FER1L6: variants seen among roughly 807,000 people sequenced by gnomAD.
FER1L6 encodes the protein fer-1 like family member 6, also known as fer-1-like protein 6.
In FER1L6, 177 loss-of-function variants were observed where a neutral mutation model predicts 219.2. The ratio of observed to expected loss-of-function variants is 0.81; its 90% CI spans 0.71 to 0.91. The LOEUF is 0.91. Among genes scored for constraint, FER1L6 ranks in the 40% least tolerant of loss-of-function variants. The pLI is 0.00. For synonymous variants in FER1L6, 768 were observed against 824.3 expected (o/e 0.93, Z 1.17); for missense variants, 2,153 against 2,259.9 (o/e 0.95, Z 0.96).
At chr8:123,881,800 C>T (rs1235919998) in intron 1 of FER1L6, among the ~76,000 whole-genome samples, 2 of 152,106 alleles carry the variant, frequency 1.3e-5, no homozygotes, top group African/African-American at 2.4e-5. Context: ...ATGTAGATTA[C>T]GGGTCCTGTT....
At chr8:123,935,283 C>T (rs1380038395) in intron 1 of FER1L6, among the ~76,000 whole-genome samples, 3 of 152,034 alleles carry the variant, frequency 2.0e-5, no homozygotes, top group Non-Finnish European at 4.4e-5. Flanking sequence ...AATCAAATTG[C>T]CTCATATTTT....
At chr8:123,936,474 T>TTG (rs1554617911) in intron 1 of FER1L6, among the ~76,000 whole-genome samples, 1 of 92,994 alleles carries the variant, frequency 1.1e-5, no homozygotes, top group African/African-American at 3.2e-5. Context: ...TTTTTTTTTT[T>TTG]TTTTTTTTTT....
intron 34 of FER1L6, among the ~76,000 whole-genome samples, chr8:124,094,202 G>T (rs922614459): frequency 6.6e-6 from 1 of 152,110 alleles, no homozygotes; most frequent in Non-Finnish European, 1.5e-5. Context: ...GGGCCACCCT[G>T]ATTTTCCAGG....
chr8:123,962,783 A>T (rs951017355), intron 2 of FER1L6, among the ~76,000 whole-genome samples: 2 of 152,108 alleles, frequency 1.3e-5, no homozygotes, highest in African/African-American at 4.8e-5. Context: ...GTCTGCCACC[A>T]TGCCCGGCTA....
At chr8:123,981,109 G>T (rs1339178245) in intron 11 of FER1L6, among the ~76,000 whole-genome samples, 1 of 152,122 alleles carries the variant, frequency 6.6e-6, no homozygotes, top group Non-Finnish European at 1.5e-5. Flanking sequence ...GGGTGGTACG[G>T]GATTGATTAA....
chr8:123,855,950 G>A (rs1011657407), intron 1 of FER1L6, among the ~76,000 whole-genome samples: 5 of 138,280 alleles, frequency 3.6e-5, no homozygotes, highest in African/African-American at 1.2e-4. Flanking sequence ...AACTAATGTA[G>A]TATATATATT....
chr8:123,907,644 G>T (rs1812977264), intron 1 of FER1L6, among the ~76,000 whole-genome samples: 1 of 149,550 alleles, frequency 6.7e-6, no homozygotes, highest in Admixed American at 6.6e-5. Context: ...AGTATGAGAA[G>T]AATATGGTTA....
At chr8:124,053,502 G>A (rs894417866) in intron 22 of FER1L6, among the ~76,000 whole-genome samples, 1 of 152,160 alleles carries the variant, frequency 6.6e-6, no homozygotes, top group Non-Finnish European at 1.5e-5. Context: ...TACATACTGA[G>A]AAGACAGGGG....
At chr8:123,990,217 G>A (rs536606119) in intron 12 of FER1L6, among the ~76,000 whole-genome samples, 105 of 152,270 alleles carry the variant, frequency 6.9e-4, no homozygotes, top group African/African-American at 2.4e-3. Flanking sequence ...GCAGTAAGCC[G>A]AGATAGCACC....
At chr8:123,868,980 A>T (rs1003179624) in intron 1 of FER1L6, among the ~76,000 whole-genome samples, 7 of 152,124 alleles carry the variant, frequency 4.6e-5, no homozygotes, top group Non-Finnish European at 8.8e-5. Context: ...GGTTAGTCTG[A>T]GTTATGCATC....
chr8:123,950,971 A>T (rs951543571), intron 1 of FER1L6, among the ~76,000 whole-genome samples: 4 of 152,242 alleles, frequency 2.6e-5, no homozygotes, highest in African/African-American at 9.6e-5. Context: ...GGCTAATTGT[A>T]GGGGTTGAGG....
intron 22 of FER1L6, chr8:124,059,082 A>G (rs1296487397): frequency 6.6e-6 from 1 of 152,224 alleles, no homozygotes; most frequent in African/African-American, 2.4e-5. Context: ...ACCGGTAAAC[A>G]TCTATCAAGA....
intron 1 of FER1L6, among the ~76,000 whole-genome samples, chr8:123,864,252 G>T (rs1371648564): frequency 6.7e-6 from 1 of 149,810 alleles, no homozygotes; most frequent in East Asian, 1.9e-4. Context: ...TAGTTTGGCT[G>T]GATATGAAAT....
intron 34 of FER1L6, among the ~76,000 whole-genome samples, chr8:124,092,912 G>A (rs968981250): frequency 6.6e-6 from 1 of 150,390 alleles, no homozygotes; most frequent in Non-Finnish European, 1.5e-5. Flanking sequence ...CTGGAGTGCA[G>A]TGGCATGATC....
chr8:124,031,884 G>A lies in FER1L6; in HGVS notation c.2287-3393G>A, dbSNP rs75484796. On this transcript the variant is annotated intron_variant, in intron 18 of 40. Transcript: ENST00000522917. ...AGCACCTAGGAAGGTGCTCGATAATGTTGAATGAATCCAACTTAGATACTT... is the reference window on the plus strand; with the variant it reads ...AGCACCTAGGAAGGTGCTCGATAATATTGAATGAATCCAACTTAGATACTT... Among the ~76,000 whole-genome samples the A allele has an allele frequency of 1.6e-3, 250 of 152,286 alleles. 2 individuals are homozygous for A. The highest frequency in any genetic ancestry group is 6.8e-3 in the Middle Eastern group (2 of 294).
rs1554608010 is a variant in FER1L6, at chr8:123,856,316, G to GTATGTATATATATATATA, written c.-8+4134_-8+4135insGTATATATATATATATAT. Among the ~76,000 whole-genome samples, 18 of 45,084 alleles carry GTATGTATATATATATATA rather than the reference G, an allele frequency of 4.0e-4. 3 individuals carry two copies. Among genetic ancestry groups the GTATGTATATATATATATA allele is most frequent in the African/African-American group, 1.6e-3 (18 of 11,506 alleles). 29.6% of individuals were successfully genotyped at this position (45,084 alleles called of 152,430 possible). A position where few individuals can be genotyped will look rare whatever the true frequency, so the allele number is the denominator to read the frequency against. ...TGTATATATATATATATATGTATGT[G>GTATGTATATATATATATA]TATATATATATATATATATATATAT... is the stretch of plus-strand genomic sequence containing the variant. On this transcript the variant is annotated intron_variant, in intron 1 of 40. Coordinates refer to ENST00000522917, the MANE Select transcript of FER1L6 (RefSeq NM_001039112.2).
intron 13 of FER1L6, among the ~76,000 whole-genome samples, chr8:124,008,771 A>T (rs776985256): frequency 6.6e-6 from 1 of 151,838 alleles, no homozygotes; most frequent in African/African-American, 2.4e-5. Flanking sequence ...CAAGGAACTC[A>T]AATTAGCAAG....
chr8:124,114,840 G>T (rs1199044896), intron 39 of FER1L6, among the ~76,000 whole-genome samples: 2 of 144,880 alleles, frequency 1.4e-5, no homozygotes, highest in East Asian at 2.0e-4. Flanking sequence ...GTATGTGGAT[G>T]TAACTATATA....
intron 1 of FER1L6, among the ~76,000 whole-genome samples, chr8:123,868,295 A>G (rs1415771873): frequency 6.6e-6 from 1 of 152,218 alleles, no homozygotes; most frequent in Non-Finnish European, 1.5e-5. Flanking sequence ...CAAAGGTGGT[A>G]AGAAGTTTGG....
Sources: allele counts gnomAD v4.1 joint callset (sites outside exome capture counted in the v4.1 genomes callset), GRCh38; gene constraint gnomAD v4.1.1; transcripts MANE v1.5; gene names NCBI Gene and HGNC (gene_info 2026-07-23, HGNC 2026-07-21).